Variants in AGO3 observed in about 807,000 individuals in gnomAD.
AGO3 encodes protein argonaute-3.
In AGO3, 16 loss-of-function variants were observed where a neutral mutation model predicts 105.5. The observed-to-expected ratio is 0.15, with a 90% confidence interval of 0.10 to 0.23. The LOEUF is 0.23. Among genes scored for constraint, AGO3 ranks in the 10% least tolerant of loss-of-function variants. AGO3 has a pLI of 1.00. For synonymous variants in AGO3, 340 were observed against 367.3 expected, an observed-to-expected ratio of 0.93 and a Z score of 0.85; for missense variants, 534 against 1,088.0, an observed-to-expected ratio of 0.49 and a Z score of 7.16.
Position 35,952,622 on chromosome 1 carries a change from G to A in AGO3, c.191+6759G>A, listed in dbSNP as rs569213512. On this transcript the variant is annotated intron_variant, in intron 2 of 18. Transcript: ENST00000373191. Reference sequence around the variant, plus strand: ...GGTGGTCCCATAAGATTATAATACCGTATTTTTACTGTACCTTTTTATGTT... The same window carrying A: ...GGTGGTCCCATAAGATTATAATACCATATTTTTACTGTACCTTTTTATGTT... 3.9e-5 allele frequency among the ~76,000 whole-genome samples: 6 copies of A among 152,144 alleles called. No individual in the cohort carries two copies. In the East Asian group the frequency reaches 7.7e-4, roughly 20 times the overall value.
chr1:36,016,596 A>G (rs887520509), intron 11 of AGO3, among the ~76,000 whole-genome samples: 1 of 147,452 alleles, frequency 6.8e-6, no homozygotes, highest in African/African-American at 2.5e-5. Context: ...TATCCCCCCA[A>G]TTTTTTTTTT....
intron 5 of AGO3, among the ~76,000 whole-genome samples, chr1:36,002,001 C>T (rs1640106338): frequency 6.6e-6 from 1 of 152,122 alleles, no homozygotes; most frequent in East Asian, 1.9e-4. Context: ...AATGTTTTCT[C>T]GTAGTAAAAA....
rs74428542 is a variant in AGO3 at position 35,989,753 on chromosome 1, C to T, written c.659-14588C>T. On this transcript the variant is annotated intron_variant, in intron 5 of 18. Coordinates refer to ENST00000373191, the MANE Select transcript of AGO3 (RefSeq NM_024852.4). ...AGCCAGGCGTGATAGCATGAGCTTG[C>T]AATCCCGGCCACTCAGGAGGTTGAG... Among the ~76,000 whole-genome samples, 1,215 of 151,972 alleles carry T rather than the reference C, an allele frequency of 8.0e-3. 17 individuals are homozygous for T. Among genetic ancestry groups the T allele is most frequent in the African/African-American group, 0.027 (1,138 of 41,464 alleles).
intron 5 of AGO3, among the ~76,000 whole-genome samples, chr1:35,994,521 G>A (rs1648081914): frequency 6.6e-6 from 1 of 152,094 alleles, no homozygotes; most frequent in Non-Finnish European, 1.5e-5. Flanking sequence ...AATCATACTG[G>A]AGGTCCCAGG....
In AGO3 at chr1:35,931,591, C is replaced by G. The variant is rs1288836514; in HGVS notation, c.19+146C>G. 4 of 924,474 alleles carry G rather than the reference C, an allele frequency of 4.3e-6. No individual in the cohort carries two copies. In the African/African-American group the frequency reaches 6.9e-5, roughly 16 times the overall value. 57.3% of individuals were successfully genotyped at this position (924,474 alleles called of 1,614,324 possible). A position where few individuals can be genotyped will look rare whatever the true frequency, so the allele number is the denominator to read the frequency against. On this transcript the variant is annotated intron_variant, in intron 1 of 18. Coordinates refer to ENST00000373191, the MANE Select transcript of AGO3 (RefSeq NM_024852.4). ...TCCCGCCCCTCGCCCTGCTCCTCCG[C>G]GACCTCCCCGCAGCCCAGCCCCAGT... is the stretch of plus-strand genomic sequence containing the variant.
At position 36,028,936 on chromosome 1, in the gene AGO3, C is replaced by T. The variant is rs565178267; in HGVS notation, c.1591+1638C>T. Among the ~76,000 whole-genome samples, 6 of 152,286 alleles carry T rather than the reference C, an allele frequency of 3.9e-5. No homozygotes were observed. In the East Asian group the frequency reaches 5.8e-4, roughly 15 times the overall value. ...GCTCAAGCAATCCTTAAACCTTGGG[C>T]TCCCAAAGTGCAGGGATTACAGGTG... On this transcript the variant is annotated intron_variant, in intron 12 of 18. Transcript: ENST00000373191.
chr1:36,051,438 CG>C (rs1273789138), intron 17 of AGO3, among the ~76,000 whole-genome samples: 2 of 152,010 alleles, frequency 1.3e-5, no homozygotes, highest in Non-Finnish European at 2.9e-5. Flanking sequence ...AACATAGAAA[CG>C]GCTGGGCACA....
intron 2 of AGO3, among the ~76,000 whole-genome samples, chr1:35,947,956 C>T (rs1646397730): frequency 1.3e-5 from 2 of 152,132 alleles, no homozygotes; most frequent in Non-Finnish European, 2.9e-5. Flanking sequence ...ACTCTGAAGG[C>T]TGAGGCAGGA....
At chr1:36,042,681 A>G (rs1309547573) in intron 16 of AGO3, among the ~76,000 whole-genome samples, 1 of 152,220 alleles carries the variant, frequency 6.6e-6, no homozygotes, top group African/African-American at 2.4e-5. Flanking sequence ...GGAGGTGGGT[A>G]TAATAAACAT....
intron 5 of AGO3, among the ~76,000 whole-genome samples, chr1:35,976,263 C>T (rs570907174): frequency 7.6e-4 from 116 of 152,152 alleles, no homozygotes; most frequent in Non-Finnish European, 1.5e-3. Flanking sequence ...GATATTTTCT[C>T]CTTTTTGTTG....
rs150575415 is a variant in AGO3, at chr1:36,036,348, A to G, written c.1842+81A>G. 830 of 1,291,954 alleles carry G rather than the reference A, an allele frequency of 6.4e-4. 5 individuals carry two copies. Among genetic ancestry groups the G allele is most frequent in the African/African-American group, 2.7e-3 (184 of 67,342 alleles). The allele number at this position is 1,291,954 out of a possible 1,614,324, so 80.0% of individuals were successfully genotyped here. ...CAGTTTCAACTTTTTGAATTTTAATATTTTCTTTGTAGCCAACTTTCATAA... is the reference window on the plus strand; with the variant it reads ...CAGTTTCAACTTTTTGAATTTTAATGTTTTCTTTGTAGCCAACTTTCATAA... On this transcript the variant is annotated intron_variant, in intron 14 of 18. Coordinates refer to ENST00000373191, the MANE Select transcript of AGO3 (RefSeq NM_024852.4).
chr1:35,999,936 G>T (rs561714584), intron 5 of AGO3, among the ~76,000 whole-genome samples: 1 of 150,794 alleles, frequency 6.6e-6, no homozygotes, highest in African/African-American at 2.4e-5. Context: ...TTATGTATCT[G>T]CCAGGTTGTA....
chr1:36,054,909 C>A, intron 17 of AGO3, 37 bp from the exon 18 acceptor site: 1 of 1,594,236 alleles, frequency 6.3e-7, no homozygotes, highest in South Asian at 1.1e-5. Flanking sequence ...AAAAAGAGTT[C>A]AAAATTCAAC....
intron 12 of AGO3, among the ~76,000 whole-genome samples, chr1:36,028,103 G>A (rs1455024991): frequency 2.0e-5 from 3 of 152,090 alleles, no homozygotes; most frequent in African/African-American, 7.2e-5. Context: ...GTGCAGTGGT[G>A]CAATCATGGC....
chr1:35,972,097 C>T lies in AGO3; in HGVS notation c.386C>T (p.Ser129Phe), dbSNP rs773568690. Residue 129 changes from serine (S) to phenylalanine (F), a missense_variant, in exon 4 of 19, where the codon TCT becomes TTT. Transcript: ENST00000373191. Reference sequence around the variant, plus strand: ...TTCAAGGTGTCAATCAAATTTGTCTCTCGGGTGAGTTGGCACCTACTGCAT... The same window carrying T: ...TTCAAGGTGTCAATCAAATTTGTCTTTCGGGTGAGTTGGCACCTACTGCAT... Reference protein sequence around the residue: ...RPFKVSIKFVSRVSWHLLHEV... With the variant: ...RPFKVSIKFVFRVSWHLLHEV... 1 of 1,614,084 alleles carries T rather than the reference C, an allele frequency of 6.2e-7. No homozygotes were observed. The highest frequency in any genetic ancestry group is 8.5e-7 in the Non-Finnish European group (1 of 1,180,022).
chr1:35,941,808 C>T (rs1646260827), intron 1 of AGO3, among the ~76,000 whole-genome samples: 1 of 152,204 alleles, frequency 6.6e-6, no homozygotes, highest in African/African-American at 2.4e-5. Flanking sequence ...GCCTGGGCAA[C>T]ATGGTGAAAC....
At chr1:35,980,503 G>T (rs1326902999) in intron 5 of AGO3, among the ~76,000 whole-genome samples, 1 of 152,086 alleles carries the variant, frequency 6.6e-6, no homozygotes, top group Non-Finnish European at 1.5e-5. Flanking sequence ...AATTTTTCTG[G>T]TCATTTGTTG....
intron 2 of AGO3, among the ~76,000 whole-genome samples, chr1:35,954,307 C>T (rs778167159): frequency 2.0e-5 from 3 of 150,368 alleles, no homozygotes; most frequent in Non-Finnish European, 4.4e-5. Flanking sequence ...GACTAATATT[C>T]CTATAATATA....
intron 4 of AGO3, 111 bp downstream of exon 4, chr1:35,972,343 AAT>A: frequency 8.3e-7 from 1 of 1,203,066 alleles, no homozygotes; most frequent in South Asian, 1.4e-5. Flanking sequence ...GTTCAACTGA[AAT>A]GTTGAACAAG....
Sources: allele counts gnomAD v4.1 joint callset (sites outside exome capture counted in the v4.1 genomes callset), GRCh38; gene constraint gnomAD v4.1.1; transcripts MANE v1.5; gene names NCBI Gene and HGNC (gene_info 2026-07-23, HGNC 2026-07-21).